The following PTPRJ variants were observed in gnomAD, a reference collection of about 807,000 sequenced individuals.
The protein encoded by PTPRJ is receptor-type tyrosine-protein phosphatase eta.
In PTPRJ, 129 loss-of-function variants were observed where a neutral mutation model predicts 141.3. The observed-to-expected ratio is 0.91, with a 90% CI of 0.79 to 1.06. The LOEUF (loss-of-function observed/expected upper bound fraction) is 1.06, where lower values mean the gene tolerates loss of function less well. PTPRJ is among the 50% of genes least tolerant of loss of function. The pLI is 0.00. For missense variants in PTPRJ, 1,601 were observed against 1,679.7 expected (o/e 0.95, Z 0.82); for synonymous variants, 610 against 640.5 (o/e 0.95, Z 0.72).
chr11:48,150,467 C>T (rs1043564047), intron 18 of PTPRJ, among the ~76,000 whole-genome samples: 2 of 152,216 alleles, frequency 1.3e-5, no homozygotes, highest in Admixed American at 6.5e-5. Flanking sequence ...GTCATACTGT[C>T]CTGGATGTCT....
intron 1 of PTPRJ, among the ~76,000 whole-genome samples, chr11:48,007,804 T>A (rs1463078763): frequency 6.6e-6 from 1 of 152,224 alleles, no homozygotes; most frequent in Non-Finnish European, 1.5e-5. Flanking sequence ...ACTGGTCACT[T>A]ATAAAACTGG....
intron 1 of PTPRJ, among the ~76,000 whole-genome samples, chr11:48,090,289 G>A (rs921460366): frequency 6.6e-6 from 1 of 152,102 alleles, no homozygotes. Flanking sequence ...ACCCTCTTTT[G>A]TCTCCTCCAA....
chr11:47,994,028 T>A (rs1434499383), intron 1 of PTPRJ, among the ~76,000 whole-genome samples: 1 of 151,248 alleles, frequency 6.6e-6, no homozygotes, highest in Non-Finnish European at 1.5e-5. Flanking sequence ...ACCCGGCTAG[T>A]TTTTTGTATT....
chr11:48,049,629 G>A (rs1227616617), intron 1 of PTPRJ, among the ~76,000 whole-genome samples: 2 of 150,788 alleles, frequency 1.3e-5, no homozygotes, highest in East Asian at 3.9e-4. Context: ...CAGGAGAATC[G>A]CTTGAACCTG....
Position 48,137,251 on chromosome 11 carries a change from C to T in PTPRJ, c.2122C>T (p.Leu708=), listed in dbSNP as rs749534251. 5 of 1,614,032 alleles carry T rather than the reference C, an allele frequency of 3.1e-6. No individual in the cohort carries two copies. The Admixed American group carries it at 8.3e-5, about 27-fold the overall frequency. ...ACAAGTAGGGGATGGGATCAAGTCA[C>T]TGGAACCTGGCCGGAAGTCATTCTG... ...FAQVGDGIKS[L]EPGRKSFCTD... is the part of the protein sequence containing the mutation. The change falls in exon 10 of 25, where the codon CTG becomes TTG. Residue 708 remains leucine, a synonymous_variant. Coordinates refer to ENST00000418331, the MANE Select transcript of PTPRJ (RefSeq NM_002843.4).
At chr11:48,130,855 C>A in intron 8 of PTPRJ, 139 bp downstream of exon 8, 1 of 931,720 alleles carries the variant, frequency 1.1e-6, no homozygotes, top group Non-Finnish European at 1.5e-6. Context: ...AACACTAATG[C>A]TTATTTATTA....
chr11:48,064,955 G>A (rs1855045703), intron 1 of PTPRJ, among the ~76,000 whole-genome samples: 1 of 148,110 alleles, frequency 6.8e-6, no homozygotes, highest in Admixed American at 6.8e-5. Flanking sequence ...ACTGAAGGAA[G>A]AGGTTCTCCA....
chr11:48,123,969 T>G (rs973017559), intron 5 of PTPRJ, 99 bp downstream of exon 5: 2 of 1,339,646 alleles, frequency 1.5e-6, no homozygotes, highest in Non-Finnish European at 2.0e-6. Context: ...GTATGGAGAT[T>G]TAGAATTTAT....
At chr11:48,116,340 T>G in intron 3 of PTPRJ, among the ~76,000 whole-genome samples, 2 of 152,266 alleles carry the variant, frequency 1.3e-5, no homozygotes, top group East Asian at 3.8e-4. Context: ...CATCATTTTA[T>G]AATGATAAAG....
intron 7 of PTPRJ, among the ~76,000 whole-genome samples, chr11:48,129,955 A>G (rs1856930849): frequency 6.6e-6 from 1 of 151,998 alleles, no homozygotes; most frequent in African/African-American, 2.4e-5. Flanking sequence ...ACATTGCAAC[A>G]TCTAGCTCCA....
intron 19 of PTPRJ, among the ~76,000 whole-genome samples, chr11:48,155,131 A>G (rs1857571089): frequency 6.6e-6 from 1 of 152,212 alleles, no homozygotes; most frequent in African/African-American, 2.4e-5. Flanking sequence ...TGAGATGACA[A>G]TAATATTTAT....
chr11:47,992,462 C>T (rs989763362), intron 1 of PTPRJ, among the ~76,000 whole-genome samples: 1 of 152,076 alleles, frequency 6.6e-6, no homozygotes, highest in Non-Finnish European at 1.5e-5. Flanking sequence ...TGTGAGTCAC[C>T]GCGCCCAAGT....
intron 1 of PTPRJ, among the ~76,000 whole-genome samples, chr11:47,987,526 A>C (rs1367701957): frequency 6.6e-6 from 1 of 152,210 alleles, no homozygotes; most frequent in African/African-American, 2.4e-5. Flanking sequence ...AGATAGCACC[A>C]ACCAACCAGT....
chr11:48,036,542 A>C (rs1466746454), intron 1 of PTPRJ, among the ~76,000 whole-genome samples: 2 of 152,158 alleles, frequency 1.3e-5, no homozygotes, highest in Non-Finnish European at 2.9e-5. Context: ...TTGAAAAGTG[A>C]TTTTTAGTGG....
intron 1 of PTPRJ, among the ~76,000 whole-genome samples, chr11:47,997,911 C>T (rs1854387444): frequency 6.6e-6 from 1 of 152,150 alleles, no homozygotes; most frequent in Admixed American, 6.6e-5. Flanking sequence ...GAATGCCTTC[C>T]AGCCGGTGAC....
In PTPRJ at chr11:48,155,288, G is replaced by A. The variant is rs564416480; in HGVS notation, c.3230-513G>A. Among the ~76,000 whole-genome samples, 69 of 152,230 alleles carry A rather than the reference G, an allele frequency of 4.5e-4. No homozygotes were observed. The South Asian group carries it at 8.3e-3, about 18-fold the overall frequency. ...AATGGTTAACCTAGGGACCTACCCC[G>A]TCCTAGTGGAAGGGGCACTAGATTT... On this transcript the variant is annotated intron_variant, in intron 19 of 24. Coordinates refer to ENST00000418331, the MANE Select transcript of PTPRJ (RefSeq NM_002843.4).
intron 1 of PTPRJ, chr11:48,014,349 T>G (rs1030852311): frequency 1.2e-4 from 18 of 152,218 alleles, no homozygotes; most frequent in African/African-American, 4.1e-4. Context: ...TGGTAACTCT[T>G]TAAGAGGGAA....
chr11:48,067,738 G>C (rs1565286275), intron 1 of PTPRJ, among the ~76,000 whole-genome samples: 1 of 152,170 alleles, frequency 6.6e-6, no homozygotes, highest in Non-Finnish European at 1.5e-5. Flanking sequence ...TTACAGATTG[G>C]TCCAACAAGT....
chr11:48,058,275 A>G (rs936586930), intron 1 of PTPRJ, among the ~76,000 whole-genome samples: 3 of 152,086 alleles, frequency 2.0e-5, no homozygotes, highest in Non-Finnish European at 4.4e-5. Context: ...GTGTGATCAT[A>G]GCTCACTGCA....
Sources: gnomAD v4.1 joint callset for allele counts (sites outside exome capture counted in the v4.1 genomes callset) on GRCh38, gnomAD v4.1.1 for gene constraint, MANE v1.5 for transcripts, NCBI Gene and HGNC (gene_info 2026-07-23, HGNC 2026-07-21) for gene names.